Variants in TSC2 observed in about 807,000 individuals in gnomAD.
The protein encoded by TSC2 is TSC complex subunit 2, also known as tuberin.
TSC2 carries 29 observed loss-of-function variants against 202.2 expected under a neutral mutation model. The observed-to-expected ratio is 0.14, with a 90% confidence interval of 0.11 to 0.20. TSC2 has a LOEUF of 0.20. Ranked by LOEUF, TSC2 falls within the 10% of genes least tolerant of loss-of-function variation. TSC2 has a pLI of 1.00. For synonymous variants in TSC2, 1,349 were observed against 1,044.0 expected (o/e 1.29, Z -5.63); for missense variants, 2,429 against 2,420.0 (o/e 1.00, Z -0.08).
Position 2,079,739 on chromosome 16 carries a change from C to G in TSC2, c.3397+70C>G. On this transcript the variant is annotated intron_variant, in intron 29 of 41. Transcript: ENST00000219476. The surrounding 1 kb of genome is among the most constrained non-coding windows in gnomAD (Gnocchi z 4.6). ...CTCAGTTGCTGCTGGTCCCAGTGTT[C>G]AGGAAGGCCCCGAGCCCAGGGGCCG... is the stretch of plus-strand genomic sequence containing the variant. 6.1e-6 allele frequency: 9 copies of G among 1,476,920 alleles called. No individual in the cohort carries two copies. In the South Asian group the frequency reaches 7.5e-5, roughly 12 times the overall value. The allele number at this position is 1,476,920 out of a possible 1,614,324, so 91.5% of individuals were successfully genotyped here. A position where few individuals can be genotyped will look rare whatever the true frequency, so the allele number is the denominator to read the frequency against.
At chr16:2,054,779 T>A in intron 5 of TSC2, 1 of 420,838 alleles carries the variant, frequency 2.4e-6, no homozygotes, top group South Asian at 2.2e-5. Context: ...ACTGGTCCCG[T>A]CTTCCTCCTC....
At chr16:2,074,153 G>C in intron 21 of TSC2, 47 bp from the exon 22 acceptor site, 1 of 1,607,488 alleles carries the variant, frequency 6.2e-7, no homozygotes, top group Middle Eastern at 2.2e-4. Flanking sequence ...AGGCGAGGCT[G>C]CCTCTGCTGC....
chr16:2,071,666 C>G (rs2088424253), intron 18 of TSC2, 50 bp downstream of exon 18: 1 of 1,609,894 alleles, frequency 6.2e-7, no homozygotes. Context: ...GTCAGAGGCG[C>G]TGGGGCTGTG....
At chr16:2,075,132 A>C (rs571077327) in intron 22 of TSC2, 1 of 153,766 alleles carries the variant, frequency 6.5e-6, no homozygotes, top group Admixed American at 6.2e-5. Flanking sequence ...AGGAGGCAGG[A>C]GAATCTCATG....
rs2089261730 is a variant in TSC2 at position 2,075,825 on chromosome 16, A to G, written c.2572A>G (p.Arg858Gly). The G allele has an allele frequency of 8.1e-6, 13 of 1,612,996 alleles. No homozygotes were observed. The highest frequency in any genetic ancestry group is 1.0e-5 in the Non-Finnish European group (12 of 1,179,982). Residue 858 changes from arginine (R) to glycine (G), a missense_variant, in exon 23 of 42, where the codon AGG (arginine) becomes GGG (glycine). Transcript: ENST00000219476. ...TCTGGCCAGGCTGCCGCACCTCTAC[A>G]GGAACTTTGCCGCGGAGCAGTATGC... ...STLARLPHLY[R>G]NFAAEQYASV...
chr16:2,083,007 T>G lies in TSC2; in HGVS notation c.3883+503T>G, dbSNP rs895771382. ...CTGGTGGGGAGTGCTGTGACCTGCATGGTGCTCCCCTGCCAGGTCTCCACG... is the reference window on the plus strand; with the variant it reads ...CTGGTGGGGAGTGCTGTGACCTGCAGGGTGCTCCCCTGCCAGGTCTCCACG... On this transcript the variant is annotated intron_variant, in intron 32 of 41. Coordinates refer to ENST00000219476, the MANE Select transcript of TSC2 (RefSeq NM_000548.5). 1.4e-5 allele frequency: 6 copies of G among 426,494 alleles called. No homozygotes were observed. The Admixed American group carries it at 1.5e-4, about 10-fold the overall frequency. 26.4% of individuals were successfully genotyped at this position (426,494 alleles called of 1,614,324 possible).
intron 23 of TSC2, 27 bp downstream of exon 23, chr16:2,075,919 C>T (rs761914863): frequency 2.5e-6 from 4 of 1,612,950 alleles, no homozygotes; most frequent in Non-Finnish European, 2.5e-6. Context: ...GGCCCTGTGC[C>T]TCCCAGCCGT....
Position 2,079,453 on chromosome 16 carries a change from C to T in TSC2, c.3284+25C>T, listed in dbSNP as rs370495938. ...GGTGACTGCACCTTCCTTTCCTCCG[C>T]GCCTGCCAGCCTCGACACCGGCTGT... On this transcript the variant is annotated intron_variant, in intron 28 of 41. Coordinates refer to ENST00000219476, the MANE Select transcript of TSC2 (RefSeq NM_000548.5). This position sits in a 1 kb window ranked among gnomAD's most constrained non-coding sequence, Gnocchi z 4.6. The T allele has an allele frequency of 3.4e-4, 550 of 1,612,586 alleles. 4 individuals are homozygous for T. The East Asian group carries it at 7.5e-3, about 22-fold the overall frequency.
At position 2,086,666 on chromosome 16, in the gene TSC2, C is replaced by G. The variant is rs567035999; in HGVS notation, c.4850-66C>G. 165 of 1,597,808 alleles carry G rather than the reference C, an allele frequency of 1.0e-4. 3 individuals are homozygous for G. In the South Asian group the frequency reaches 1.7e-3, roughly 16 times the overall value. ...GCCCCTGGAGTAATCAGGAGGTGCC[C>G]CAGTGCAAGGCACAGAGGGCCTCAG... On this transcript the variant is annotated intron_variant, in intron 37 of 41. Transcript: ENST00000219476.
intron 16 of TSC2, among the ~76,000 whole-genome samples, chr16:2,069,721 C>T (rs1435199318): frequency 1.3e-5 from 2 of 152,202 alleles, no homozygotes; most frequent in African/African-American, 4.8e-5. Context: ...ACCTCATGAT[C>T]CACCCGCCTC....
chr16:2,055,606 G>A, intron 6 of TSC2, 87 bp downstream of exon 6: 1 of 1,290,622 alleles, frequency 7.7e-7, no homozygotes, highest in Non-Finnish European at 1.1e-6. Flanking sequence ...AAAAAATAGA[G>A]GTTGGGCTGG....
chr16:2,076,333 C>CT, intron 24 of TSC2, 158 bp from the exon 25 acceptor site: 1 of 1,559,338 alleles, frequency 6.4e-7, no homozygotes, highest in Admixed American at 1.9e-5. Context: ...GCCTGCAGGG[C>CT]TTTGATGCGC....
rs779507492 is a variant in TSC2 at position 2,088,159 on chromosome 16, G to T, written c.5160+20G>T. 1 of 1,612,920 alleles carries T rather than the reference G, an allele frequency of 6.2e-7. No individual in the cohort carries two copies. The highest frequency in any genetic ancestry group is 1.3e-5 in the African/African-American group (1 of 74,930). On this transcript the variant is annotated intron_variant, in intron 40 of 41. Coordinates refer to ENST00000219476, the MANE Select transcript of TSC2 (RefSeq NM_000548.5). The stretch of plus-strand genomic sequence containing the variant: ...GCAAATGTGAGTGGGGGTGGGTCCA[G>T]GCGTGAGCTGGTGGGACAGGCCCAG...
chr16:2,076,600 G>T lies in TSC2; in HGVS notation c.2837+15G>T. 6.2e-7 allele frequency: 1 copy of T among 1,612,730 alleles called. No homozygotes were observed. On this transcript the variant is annotated intron_variant, in intron 25 of 41. Transcript: ENST00000219476. ...AGACCCAAGAGGTACGGCCTGCGGGGGTGTGCCTGGAGTCGGTGTGGGGTG... is the reference window on the plus strand; with the variant it reads ...AGACCCAAGAGGTACGGCCTGCGGGTGTGTGCCTGGAGTCGGTGTGGGGTG...
In TSC2 at chr16:2,070,441, G is replaced by A. The variant is rs372949465; in HGVS notation, c.1717-15G>A. The A allele has an allele frequency of 4.2e-5, 67 of 1,613,170 alleles. No homozygotes were observed. The highest frequency in any genetic ancestry group is 2.0e-4 in the South Asian group (18 of 91,090). On this transcript the variant is annotated splice_polypyrimidine_tract_variant and intron_variant, in intron 16 of 41. Transcript: ENST00000219476. ...CACCTCCTGCGCCGTGGTGAGCTGC[G>A]TCCTCTCTCTGCAGACCAAGCTGTA...
chr16:2,061,801 G>C, intron 11 of TSC2, 70 bp from the exon 12 acceptor site: 2 of 1,612,186 alleles, frequency 1.2e-6, no homozygotes, highest in Non-Finnish European at 1.7e-6. Flanking sequence ...TGGGTGTGTA[G>C]CGAGGCCTCT....
intron 3 of TSC2, 91 bp from the exon 4 acceptor site, chr16:2,053,251 C>A: frequency 1.5e-6 from 2 of 1,317,572 alleles, no homozygotes; most frequent in Non-Finnish European, 2.1e-6. Context: ...CGTTGTTCCT[C>A]CCTGTCCTCC....
At chr16:2,054,149 C>A in intron 4 of TSC2, 147 bp from the exon 5 acceptor site, 1 of 1,285,578 alleles carries the variant, frequency 7.8e-7, no homozygotes, top group South Asian at 1.2e-5. Context: ...AATGCTGATG[C>A]TGCAGACCTG....
rs771561593 is a variant in TSC2, at chr16:2,061,955, G to A, written c.1204G>A (p.Gly402Arg). The stretch of plus-strand genomic sequence containing the variant: ...GCTGTGTGACCAGAACGAGTTCCAC[G>A]GGTCTCAGGAGAGATACTTTGAACT... ...EELCDQNEFH[G>R]SQERYFELVE... The change falls in exon 12 of 42, where the codon GGG becomes AGG. Residue 402 changes from glycine (G) to arginine (R), a missense_variant. Gly to Arg is a moderately radical substitution (Grantham distance 125). Transcript: ENST00000219476. The A allele has an allele frequency of 7.4e-6, 12 of 1,614,164 alleles. No individual in the cohort carries two copies. Among genetic ancestry groups the A allele is most frequent in the East Asian group, 2.2e-5 (1 of 44,880 alleles).
Sources: gnomAD v4.1 joint callset for allele counts (sites outside exome capture counted in the v4.1 genomes callset) on GRCh38, gnomAD v4.1.1 for gene constraint, Gnocchi (gnomAD v3.1) non-coding constraint, MANE v1.5 for transcripts, NCBI Gene and HGNC (gene_info 2026-07-23, HGNC 2026-07-21) for gene names.